The following SLC6A11 variants were observed in gnomAD, a reference collection of about 807,000 sequenced individuals.
SLC6A11 encodes sodium- and chloride-dependent GABA transporter 3.
SLC6A11 carries 25 observed loss-of-function variants against 74.8 expected under a neutral mutation model. The observed-to-expected ratio is 0.33, with a 90% CI of 0.24 to 0.47. The LOEUF (loss-of-function observed/expected upper bound fraction) is 0.47, where lower values mean the gene tolerates loss of function less well. SLC6A11 is among the 20% of genes least tolerant of loss of function. SLC6A11 has a pLI of 1.00. For synonymous variants in SLC6A11, 330 were observed against 330.2 expected, an observed-to-expected ratio of 1.00 and a Z score of 0.01; for missense variants, 574 against 837.0, an observed-to-expected ratio of 0.69 and a Z score of 3.88.
chr3:10,901,209 G>A (rs368520442), intron 6 of SLC6A11, among the ~76,000 whole-genome samples: 4 of 152,190 alleles, frequency 2.6e-5, no homozygotes, highest in East Asian at 1.9e-4. Context: ...TGAGCCTCCC[G>A]TATTTAGCGC....
chr3:10,822,548 G>A (rs1266615924), intron 3 of SLC6A11, among the ~76,000 whole-genome samples: 1 of 152,192 alleles, frequency 6.6e-6, no homozygotes, highest in Non-Finnish European at 1.5e-5. Flanking sequence ...GGAAAAGTTG[G>A]TTGCTTGGAG....
intron 4 of SLC6A11, among the ~76,000 whole-genome samples, chr3:10,826,650 G>A (rs1395001467): frequency 1.3e-5 from 2 of 152,160 alleles, no homozygotes; most frequent in Non-Finnish European, 2.9e-5. Context: ...GCTATGGAAG[G>A]CCCTCAGTTA....
intron 11 of SLC6A11, 183 bp from the exon 12 acceptor site, chr3:10,933,883 G>A (rs796296211): frequency 9.8e-6 from 5 of 512,630 alleles, no homozygotes; most frequent in African/African-American, 9.6e-5. Context: ...CATCCCTCCT[G>A]CTGCTCTTTA....
At chr3:10,853,016 C>A (rs1694595546) in intron 5 of SLC6A11, among the ~76,000 whole-genome samples, 1 of 152,136 alleles carries the variant, frequency 6.6e-6, no homozygotes, top group South Asian at 2.1e-4. Flanking sequence ...TTAGCGTGGG[C>A]CATCCAGGGC....
rs747871056 is a variant in SLC6A11, at chr3:10,912,127, A to T, written c.929A>T (p.Tyr310Phe). 1.2e-6 allele frequency: 2 copies of T among 1,613,784 alleles called. No homozygotes were observed. The highest frequency in any genetic ancestry group is 1.7e-6 in the Non-Finnish European group (2 of 1,179,848). The stretch of plus-strand genomic sequence containing the variant: ...GCTGGAACGCAGATCTTTTTCTCCT[A>T]TGCCATTTGCCTGGGCTGTCTGACC... ...VDAGTQIFFSYAICLGCLTAL... is the reference protein window; with the variant it reads ...VDAGTQIFFSFAICLGCLTAL... The change falls in exon 7 of 14, where the codon TAT becomes TTT. Residue 310 changes from tyrosine (Y) to phenylalanine (F), a missense_variant. This residue lies in a region of SLC6A11 where 215 missense variants were observed against 357.9 expected (regional missense o/e 0.60). Transcript: ENST00000254488.
chr3:10,910,344 G>A (rs1246953679), intron 6 of SLC6A11, among the ~76,000 whole-genome samples: 1 of 152,184 alleles, frequency 6.6e-6, no homozygotes, highest in East Asian at 1.9e-4. Context: ...AAAGGAAAGA[G>A]TTCTGGGGTC....
At chr3:10,861,718 G>A (rs577508142) in intron 5 of SLC6A11, among the ~76,000 whole-genome samples, 2 of 152,298 alleles carry the variant, frequency 1.3e-5, no homozygotes, top group African/African-American at 2.4e-5. Flanking sequence ...GGTGTCCTGT[G>A]GGATGGCTGC....
intron 2 of SLC6A11, 47 bp downstream of exon 2, chr3:10,819,646 C>G (rs1394970269): frequency 4.8e-5 from 78 of 1,609,496 alleles, no homozygotes; most frequent in Non-Finnish European, 6.0e-5. Flanking sequence ...CAGGGAATGT[C>G]AACTGCAAAG....
chr3:10,833,055 G>A (rs1401007871), intron 4 of SLC6A11, among the ~76,000 whole-genome samples: 1 of 151,946 alleles, frequency 6.6e-6, no homozygotes, highest in Non-Finnish European at 1.5e-5. Context: ...CTTCTCCATT[G>A]CCAATTAATT....
intron 5 of SLC6A11, among the ~76,000 whole-genome samples, chr3:10,861,547 A>G (rs984503446): frequency 6.6e-6 from 1 of 152,128 alleles, no homozygotes; most frequent in South Asian, 2.1e-4. Context: ...AAAAGCAGGA[A>G]GTAATGAATC....
chr3:10,833,427 A>T (rs114444406), intron 4 of SLC6A11, among the ~76,000 whole-genome samples: 1 of 152,330 alleles, frequency 6.6e-6, no homozygotes, highest in East Asian at 1.9e-4. Flanking sequence ...GCCCTAAGCC[A>T]TCAATGCCAG....
intron 5 of SLC6A11, among the ~76,000 whole-genome samples, chr3:10,858,447 A>C (rs77879436): frequency 6.6e-6 from 1 of 152,304 alleles, no homozygotes; most frequent in South Asian, 2.1e-4. Context: ...ACACTGTAGG[A>C]TTCCCAGCAT....
At chr3:10,880,125 T>A (rs1179653200) in intron 6 of SLC6A11, among the ~76,000 whole-genome samples, 2 of 152,122 alleles carry the variant, frequency 1.3e-5, no homozygotes, top group Non-Finnish European at 1.5e-5. Flanking sequence ...AGCCACATGG[T>A]CACCCTACAG....
At chr3:10,866,729 TCTAC>T (rs2106598235) in intron 5 of SLC6A11, among the ~76,000 whole-genome samples, 1 of 152,350 alleles carries the variant, frequency 6.6e-6, no homozygotes, top group East Asian at 1.9e-4. Context: ...AAAACATGAC[TCTAC>T]CTATTTAGAA....
At chr3:10,934,779 A>T (rs976536374) in intron 12 of SLC6A11, among the ~76,000 whole-genome samples, 3 of 152,192 alleles carry the variant, frequency 2.0e-5, no homozygotes, top group African/African-American at 7.2e-5. Context: ...AGAGGTCCTC[A>T]CAGCCCAGCG....
chr3:10,833,697 C>T (rs1217745055), intron 4 of SLC6A11, among the ~76,000 whole-genome samples: 1 of 152,182 alleles, frequency 6.6e-6, no homozygotes, highest in East Asian at 1.9e-4. Context: ...TTAAATCTCT[C>T]TGCAATTCAC....
At chr3:10,860,949 T>TA (rs1694696175) in intron 5 of SLC6A11, among the ~76,000 whole-genome samples, 1 of 152,146 alleles carries the variant, frequency 6.6e-6, no homozygotes, top group African/African-American at 2.4e-5. Flanking sequence ...ATTCAAGAGA[T>TA]ACCACTGCAT....
At chr3:10,837,986 T>C (rs1166041065) in intron 4 of SLC6A11, among the ~76,000 whole-genome samples, 3 of 152,220 alleles carry the variant, frequency 2.0e-5, no homozygotes, top group Middle Eastern at 3.2e-3. Flanking sequence ...GCTTGTTGCT[T>C]TGGGAGACCA....
intron 10 of SLC6A11, among the ~76,000 whole-genome samples, chr3:10,932,400 C>T (rs1189889606): frequency 6.6e-6 from 1 of 152,188 alleles, no homozygotes; most frequent in Non-Finnish European, 1.5e-5. Context: ...TCACACTCCA[C>T]AGGATTTAAC....
Sources: gnomAD v4.1 joint callset for allele counts (sites outside exome capture counted in the v4.1 genomes callset) on GRCh38, gnomAD v4.1.1 for gene constraint, gnomAD v4.1.1 regional missense constraint, MANE v1.5 for transcripts, NCBI Gene and HGNC (gene_info 2026-07-23, HGNC 2026-07-21) for gene names.